NRG1: variants seen among roughly 807,000 people sequenced by gnomAD.
NRG1 encodes pro-neuregulin-1, membrane-bound isoform.
A neutral mutation model predicts 63.8 loss-of-function variants in NRG1; 18 were observed. The ratio of observed to expected loss-of-function variants is 0.28; its 90% CI spans 0.19 to 0.42. The LOEUF (loss-of-function observed/expected upper bound fraction) is 0.42, where lower values mean the gene tolerates loss of function less well. Among genes scored for constraint, NRG1 ranks in the 10% least tolerant of loss-of-function variants. The pLI, the probability that NRG1 is intolerant of heterozygous loss-of-function variation, is 1.00. For synonymous variants in NRG1, 302 were observed against 301.3 expected (o/e 1.00, Z -0.02); for missense variants, 762 against 814.7 (o/e 0.94, Z 0.79).
intron 5 of NRG1, among the ~76,000 whole-genome samples, chr8:32,646,567 C>T (rs908619146): frequency 6.6e-6 from 1 of 152,130 alleles, no homozygotes; most frequent in Non-Finnish European, 1.5e-5. Context: ...CATCCCCATC[C>T]CAGCTTTGTT....
chr8:31,970,231 A>G (rs1445071051), intron 1 of NRG1, among the ~76,000 whole-genome samples: 2 of 152,178 alleles, frequency 1.3e-5, no homozygotes, highest in Non-Finnish European at 2.9e-5. Context: ...AAATTCAGAT[A>G]TAGATTACAA....
At chr8:32,699,860 T>C (rs965226229) in intron 5 of NRG1, among the ~76,000 whole-genome samples, 1 of 152,204 alleles carries the variant, frequency 6.6e-6, no homozygotes, top group Admixed American at 6.5e-5. Context: ...TATTTAAATG[T>C]ACATACCTCC....
chr8:31,800,208 G>T lies in NRG1; in HGVS notation c.37+160777G>T, dbSNP rs77382379. Among the ~76,000 whole-genome samples the T allele has an allele frequency of 9.1e-3, 1,390 of 152,292 alleles. 13 individuals are homozygous for T. The highest frequency in any genetic ancestry group is 0.015 in the Non-Finnish European group (1,004 of 68,024). ...ATCATAACAAAAAAAGCAATGAGGA[G>T]TCTCTATACCCTTTATTTTCATAGG... On this transcript the variant is annotated intron_variant, in intron 1 of 10. Transcript: ENST00000519301.
At chr8:31,834,928 C>T (rs1239151526) in intron 1 of NRG1, among the ~76,000 whole-genome samples, 1 of 152,110 alleles carries the variant, frequency 6.6e-6, no homozygotes, top group Admixed American at 6.6e-5. Context: ...CTTTCAGTGC[C>T]TAGCTTTCCC....
chr8:31,648,125 T>TC (rs1491308346), intron 1 of NRG1, among the ~76,000 whole-genome samples: 5 of 14,770 alleles, frequency 3.4e-4, no homozygotes, highest in African/African-American at 8.3e-4. Flanking sequence ...TTGACTACTC[T>TC]TTTTTTTTTT....
intron 1 of NRG1, among the ~76,000 whole-genome samples, chr8:32,016,178 C>T (rs943790611): frequency 6.6e-6 from 1 of 152,126 alleles, no homozygotes; most frequent in Non-Finnish European, 1.5e-5. Flanking sequence ...ATAAATCTCT[C>T]AAAGTCTATT....
At chr8:31,722,777 A>G (rs1215443304) in intron 1 of NRG1, among the ~76,000 whole-genome samples, 1 of 152,184 alleles carries the variant, frequency 6.6e-6, no homozygotes, top group East Asian at 1.9e-4. Flanking sequence ...ACAAGAACCA[A>G]GGAGCAACAG....
At chr8:32,164,955 G>A (rs1839242756) in intron 1 of NRG1, among the ~76,000 whole-genome samples, 1 of 151,984 alleles carries the variant, frequency 6.6e-6, no homozygotes, top group Non-Finnish European at 1.5e-5. Flanking sequence ...TACATTCTTA[G>A]CTCCAGTATA....
chr8:32,331,808 T>C (rs947203700), intron 1 of NRG1, among the ~76,000 whole-genome samples: 1 of 152,166 alleles, frequency 6.6e-6, no homozygotes, highest in Non-Finnish European at 1.5e-5. Context: ...CATGATGACC[T>C]AGCCTTGAAT....
At chr8:32,305,422 T>C (rs1235754816) in intron 1 of NRG1, among the ~76,000 whole-genome samples, 1 of 134,904 alleles carries the variant, frequency 7.4e-6, no homozygotes, top group Non-Finnish European at 1.7e-5. Flanking sequence ...GACGAATTCT[T>C]CAAAAAAAAA....
chr8:32,702,113 G>C (rs1815050688), intron 5 of NRG1, among the ~76,000 whole-genome samples: 1 of 152,034 alleles, frequency 6.6e-6, no homozygotes, highest in East Asian at 1.9e-4. Context: ...TCTTTTTCCT[G>C]TTGTGGGAAT....
At chr8:32,175,778 A>C (rs1840652099) in intron 1 of NRG1, among the ~76,000 whole-genome samples, 1 of 152,208 alleles carries the variant, frequency 6.6e-6, no homozygotes, top group Admixed American at 6.5e-5. Context: ...CTTACAAGGG[A>C]TGTGAAGGAC....
chr8:32,184,254 C>A (rs755208865), intron 1 of NRG1, among the ~76,000 whole-genome samples: 1 of 152,038 alleles, frequency 6.6e-6, no homozygotes, highest in Non-Finnish European at 1.5e-5. Flanking sequence ...AGCATATGAG[C>A]ACTTCACACA....
intron 1 of NRG1, among the ~76,000 whole-genome samples, chr8:31,989,282 C>CA (rs921458750): frequency 1.5e-4 from 10 of 65,050 alleles, no homozygotes; most frequent in African/African-American, 2.3e-4. Flanking sequence ...AAGAACAAAA[C>CA]AAAAAAAAGC....
chr8:32,459,406 C>CT (rs1299778412), intron 1 of NRG1, among the ~76,000 whole-genome samples: 1 of 152,132 alleles, frequency 6.6e-6, no homozygotes, highest in African/African-American at 2.4e-5. Flanking sequence ...TTTTTAAGCC[C>CT]TTTTTTTATT....
At chr8:32,464,618 A>C (rs1015320099) in intron 1 of NRG1, among the ~76,000 whole-genome samples, 1 of 152,166 alleles carries the variant, frequency 6.6e-6, no homozygotes, top group Non-Finnish European at 1.5e-5. Context: ...TGTCACTAAC[A>C]GGTTGCATTA....
intron 1 of NRG1, among the ~76,000 whole-genome samples, chr8:32,261,387 G>C (rs1365530347): frequency 6.6e-6 from 1 of 150,944 alleles, no homozygotes; most frequent in Non-Finnish European, 1.5e-5. Flanking sequence ...GTGTGTGTGT[G>C]TGCTGGTGTG....
At chr8:31,814,310 G>A (rs1461274479) in intron 1 of NRG1, among the ~76,000 whole-genome samples, 1 of 152,138 alleles carries the variant, frequency 6.6e-6, no homozygotes, top group Non-Finnish European at 1.5e-5. Flanking sequence ...GGGCATCGTG[G>A]GTCAGTTAGT....
chr8:32,146,849 A>G (rs922228925), intron 1 of NRG1, among the ~76,000 whole-genome samples: 6 of 152,138 alleles, frequency 3.9e-5, no homozygotes, highest in African/African-American at 1.2e-4. Flanking sequence ...CTTAAGTTAT[A>G]TAGGATAGTT....
Sources: allele counts gnomAD v4.1 joint callset (sites outside exome capture counted in the v4.1 genomes callset), GRCh38; gene constraint gnomAD v4.1.1; transcripts MANE v1.5; gene names NCBI Gene and HGNC (gene_info 2026-07-23, HGNC 2026-07-21).